CDK12: variants seen among roughly 807,000 people sequenced by gnomAD.
CDK12 encodes the protein cyclin dependent kinase 12, also known as cyclin-dependent kinase 12.
In CDK12, 17 loss-of-function variants were observed where a neutral mutation model predicts 133.8. That is an observed-to-expected ratio of 0.13 (90% CI 0.09 to 0.19). CDK12 has a LOEUF of 0.19. Ranked by LOEUF, CDK12 falls within the 10% of genes least tolerant of loss-of-function variation. The pLI, the probability that CDK12 is intolerant of heterozygous loss-of-function variation, is 1.00. For missense variants in CDK12, 1,508 were observed against 1,818.7 expected (o/e 0.83, Z 3.11); for synonymous variants, 694 against 683.6 (o/e 1.02, Z -0.24).
intron 7 of CDK12, among the ~76,000 whole-genome samples, 159 bp downstream of exon 7, chr17:39,509,920 G>A (rs2053375417): frequency 6.6e-6 from 1 of 151,922 alleles, no homozygotes. Flanking sequence ...TCCCACCTTA[G>A]TCTCACAAGT....
intron 13 of CDK12, 85 bp from the exon 14 acceptor site, chr17:39,530,519 G>T: frequency 6.7e-7 from 1 of 1,483,764 alleles, no homozygotes. Context: ...ATTGATATTT[G>T]TTTATGTTGC....
chr17:39,476,127 C>A (rs1239368561), intron 2 of CDK12, among the ~76,000 whole-genome samples: 3 of 144,992 alleles, frequency 2.1e-5, no homozygotes. Flanking sequence ...TGATTTTTTT[C>A]TTTTTTGAGA....
At chr17:39,467,035 G>A (rs2145064699) in intron 1 of CDK12, among the ~76,000 whole-genome samples, 1 of 152,124 alleles carries the variant, frequency 6.6e-6, no homozygotes, top group Non-Finnish European at 1.5e-5. Flanking sequence ...CTGGAGTGCA[G>A]TGGTGCGATC....
chr17:39,509,882 C>T, intron 7 of CDK12, 121 bp downstream of exon 7: 1 of 738,044 alleles, frequency 1.4e-6, no homozygotes. Context: ...CTCGCTGCAG[C>T]CTCAACCTCT....
At chr17:39,552,547 G>C (rs997267565) in intron 2 of CDK12, among the ~76,000 whole-genome samples, 11 of 152,166 alleles carry the variant, frequency 7.2e-5, no homozygotes, top group Admixed American at 1.3e-4. Context: ...AGGGTGGCAG[G>C]CTTTCTGTAA....
intron 1 of CDK12, among the ~76,000 whole-genome samples, chr17:39,465,251 TAAAAA>T (rs35826660): frequency 8.2e-6 from 1 of 121,280 alleles, no homozygotes; most frequent in Non-Finnish European, 1.6e-5. Flanking sequence ...GACTCAGTCT[TAAAAA>T]AAAAAAAAAA....
Position 39,466,674 on chromosome 17 carries a change from A to T in CDK12, c.1046+3557A>T, listed in dbSNP as rs1597909917. On this transcript the variant is annotated intron_variant, in intron 1 of 13. Transcript: ENST00000447079. ...AAAAAAAGCAGATGAATCTCTACTC[A>T]CATAATTTAGTCAGTAATGGTAAAA... Among the ~76,000 whole-genome samples the T allele has an allele frequency of 2.1e-5, 3 of 140,482 alleles. No homozygotes were observed. In the Admixed American group the frequency reaches 2.3e-4, roughly 11 times the overall value. 92.2% of individuals were successfully genotyped at this position (140,482 alleles called of 152,430 possible). A position where few individuals can be genotyped will look rare whatever the true frequency, so the allele number is the denominator to read the frequency against.
chr17:39,487,116 A>G (rs2051195518), intron 2 of CDK12, among the ~76,000 whole-genome samples: 1 of 152,204 alleles, frequency 6.6e-6, no homozygotes, highest in African/African-American at 2.4e-5. Flanking sequence ...TTGCATGTTC[A>G]TCTCTCCCAG....
intron 2 of CDK12, among the ~76,000 whole-genome samples, chr17:39,478,297 C>G (rs530681564): frequency 9.9e-5 from 15 of 151,384 alleles, no homozygotes; most frequent in African/African-American, 3.6e-4. Context: ...GTTCACATGA[C>G]TCTCCTGCCT....
intron 8 of CDK12, among the ~76,000 whole-genome samples, chr17:39,512,030 C>T (rs886817179): frequency 1.6e-4 from 24 of 152,120 alleles, no homozygotes; most frequent in African/African-American, 5.3e-4. Context: ...GTCTGGATTT[C>T]GCAGATTGTA....
At chr17:39,542,155 AT>A in intron 1 of CDK12, among the ~76,000 whole-genome samples, 1 of 151,888 alleles carries the variant, frequency 6.6e-6, no homozygotes, top group East Asian at 1.9e-4. Context: ...ATATACATAT[AT>A]ATATGTGTGT....
chr17:39,505,558 C>T (rs2053060731), intron 6 of CDK12, among the ~76,000 whole-genome samples: 1 of 145,776 alleles, frequency 6.9e-6, no homozygotes, highest in African/African-American at 2.5e-5. Flanking sequence ...TGGGAAAGAA[C>T]CAAAATAATT....
chr17:39,542,105 T>C (rs1169185944), intron 1 of CDK12, among the ~76,000 whole-genome samples: 1 of 151,694 alleles, frequency 6.6e-6, no homozygotes, highest in Non-Finnish European at 1.5e-5. Flanking sequence ...GAGAGAGAGA[T>C]TGAGGGGGAA....
rs2054999845 is a variant in CDK12, at chr17:39,533,728, C to T, written c.*2412C>T. On this transcript the variant is annotated 3_prime_UTR_variant, in exon 14 of 14. Transcript: ENST00000447079. ...ATGTATGATCCCATCTCACCCCCACCCCCATTTTGGGAGTCTTTTAAAATG... is the reference window on the plus strand; with the variant it reads ...ATGTATGATCCCATCTCACCCCCACTCCCATTTTGGGAGTCTTTTAAAATG... 4.3e-6 allele frequency: 1 copy of T among 232,754 alleles called. No individual in the cohort carries two copies. Among genetic ancestry groups the T allele is most frequent in the Admixed American group, 5.6e-5 (1 of 17,754 alleles). The allele number at this position is 232,754 out of a possible 1,614,324, so 14.4% of individuals were successfully genotyped here.
intron 2 of CDK12, among the ~76,000 whole-genome samples, chr17:39,481,801 A>C (rs1597985176): frequency 6.7e-6 from 1 of 149,392 alleles, no homozygotes; most frequent in South Asian, 2.1e-4. Context: ...GCACACTGCA[A>C]CCTCCGCCTC....
chr17:39,532,962 A>C lies in CDK12; in HGVS notation c.*1646A>C. The C allele has an allele frequency of 8.6e-6, 2 of 233,124 alleles. No homozygotes were observed. Among genetic ancestry groups the C allele is most frequent in the Non-Finnish European group, 8.5e-6 (1 of 117,876 alleles). 14.4% of individuals were successfully genotyped at this position (233,124 alleles called of 1,614,324 possible). A position where few individuals can be genotyped will look rare whatever the true frequency, so the allele number is the denominator to read the frequency against. ...AAGCCCCCTTTTACAAAGAAAAAGT[A>C]AACATACTTCAGCATCTTGGAGGGT... On this transcript the variant is annotated 3_prime_UTR_variant, in exon 14 of 14. Transcript: ENST00000447079.
intron 11 of CDK12, among the ~76,000 whole-genome samples, chr17:39,521,861 CT>C (rs377201066): frequency 0.098 from 13,851 of 141,398 alleles, 618 homozygotes; most frequent in African/African-American, 0.12. Flanking sequence ...CACTCCCAGC[CT>C]TTTTTTTTTT....
chr17:39,529,531 G>T (rs1353794350), intron 13 of CDK12, among the ~76,000 whole-genome samples: 2 of 152,008 alleles, frequency 1.3e-5, no homozygotes, highest in Non-Finnish European at 2.9e-5. Context: ...CTTTTCTTCA[G>T]CAGGATGACT....
At position 39,470,134 on chromosome 17, in the gene CDK12, T is replaced by C. The variant is rs145746828; in HGVS notation, c.1047-745T>C. 5.2e-4 allele frequency among the ~76,000 whole-genome samples: 79 copies of C among 150,590 alleles called. 1 individual carries two copies. Among genetic ancestry groups the C allele is most frequent in the African/African-American group, 1.8e-3 (75 of 41,172 alleles). On this transcript the variant is annotated intron_variant, in intron 1 of 13. Transcript: ENST00000447079. ...TTTTCATGTAGGATTTAGTTTAATC[T>C]ATTTTTTTTTTTTTTGAGATGTAGT...
Sources: gnomAD v4.1 joint callset for allele counts (sites outside exome capture counted in the v4.1 genomes callset) on GRCh38, gnomAD v4.1.1 for gene constraint, MANE v1.5 for transcripts, NCBI Gene and HGNC (gene_info 2026-07-23, HGNC 2026-07-21) for gene names.